The following PAK1 variants were observed in gnomAD, a reference collection of about 807,000 sequenced individuals.
The protein encoded by PAK1 is p21 (RAC1) activated kinase 1.
A neutral mutation model predicts 67.4 loss-of-function variants in PAK1; 29 were observed. The observed-to-expected ratio is 0.43, with a 90% CI of 0.32 to 0.59. PAK1 has a LOEUF of 0.59. Ranked by LOEUF, PAK1 falls within the 20% of genes least tolerant of loss-of-function variation. The pLI is 0.07. For synonymous variants in PAK1, 223 were observed against 237.4 expected (o/e 0.94, Z 0.56); for missense variants, 337 against 670.7 (o/e 0.50, Z 5.50).
chr11:77,367,721 G>A (rs1408215793), intron 5 of PAK1, among the ~76,000 whole-genome samples: 1 of 152,216 alleles, frequency 6.6e-6, no homozygotes, highest in Non-Finnish European at 1.5e-5. Flanking sequence ...GCTCACGCCT[G>A]TAATCCCAGC....
intron 4 of PAK1, among the ~76,000 whole-genome samples, chr11:77,376,053 T>C (rs1949040194): frequency 6.6e-6 from 1 of 152,180 alleles, no homozygotes; most frequent in South Asian, 2.1e-4. Flanking sequence ...AATTCGTTTG[T>C]TTTTTCTTGT....
At chr11:77,359,380 G>T (rs1052663121) in intron 5 of PAK1, among the ~76,000 whole-genome samples, 1 of 152,142 alleles carries the variant, frequency 6.6e-6, no homozygotes, top group African/African-American at 2.4e-5. Flanking sequence ...AGGAAATAAA[G>T]TATGAAATGT....
At chr11:77,489,594 G>A in the PAK1 span, among the ~76,000 whole-genome samples, 2,634 of 152,244 alleles carry the variant, frequency 0.017, 70 homozygotes, top group African/African-American at 0.06. Context: ...GATTGCAGGC[G>A]CGCGCCGCCA....
At chr11:77,364,467 AC>A (rs1049607819) in intron 5 of PAK1, among the ~76,000 whole-genome samples, 9 of 152,212 alleles carry the variant, frequency 5.9e-5, no homozygotes, top group Non-Finnish European at 1.2e-4. Flanking sequence ...AAACAAAAAA[AC>A]AACAAACACT....
chr11:77,481,405 G>A, the PAK1 span, among the ~76,000 whole-genome samples: 3 of 152,016 alleles, frequency 2.0e-5, no homozygotes, highest in Non-Finnish European at 2.9e-5. Flanking sequence ...GGCCAGGCAC[G>A]GTGGCTCATG....
In PAK1 at chr11:77,332,783, G is replaced by C. The variant is rs115181854; in HGVS notation, c.1498C>G (p.Arg500Gly). The C allele has an allele frequency of 6.2e-7, 1 of 1,613,440 alleles. No homozygotes were observed. Among genetic ancestry groups the C allele is most frequent in the African/African-American group, 1.3e-5 (1 of 74,892 alleles). ...LSAIFRDFLNRCLEMDVEKRG... is the reference protein window; with the variant it reads ...LSAIFRDFLNGCLEMDVEKRG... Reference sequence around the variant, plus strand: ...TTCTCCACATCCATCTCGAGACAGCGGTTCAGAAAGTCCCGGAAGATAGCT... The same window carrying C: ...TTCTCCACATCCATCTCGAGACAGCCGTTCAGAAAGTCCCGGAAGATAGCT... Residue 500 changes from arginine (R) to glycine (G), a missense_variant, in exon 14 of 15, where the codon CGC becomes GGC. By Grantham distance (125) the Arg-to-Gly change is moderately radical (BLOSUM62 -2). Around this residue, in one of 8 missense-constraint regions of PAK1, gnomAD observed 71 missense variants for 160.5 expected, o/e 0.44. Coordinates refer to ENST00000356341, the MANE Select transcript of PAK1 (RefSeq NM_002576.5).
chr11:77,500,197 G>A, the PAK1 span, among the ~76,000 whole-genome samples: 3 of 152,214 alleles, frequency 2.0e-5, no homozygotes, highest in African/African-American at 7.2e-5. Flanking sequence ...AACCGGGTGC[G>A]GTGGCTCACG....
At chr11:77,496,313 G>A in the PAK1 span, among the ~76,000 whole-genome samples, 1 of 152,226 alleles carries the variant, frequency 6.6e-6, no homozygotes, top group Admixed American at 6.5e-5. Context: ...ACCACACCTG[G>A]CCTGTATTTT....
intron 1 of PAK1, among the ~76,000 whole-genome samples, chr11:77,414,354 C>T (rs1329354503): frequency 6.6e-6 from 1 of 152,198 alleles, no homozygotes; most frequent in Non-Finnish European, 1.5e-5. Context: ...TTTAATTCTC[C>T]CTGTCCACCA....
chr11:77,461,418 T>C (rs370164546), intron 1 of PAK1, among the ~76,000 whole-genome samples: 2 of 152,230 alleles, frequency 1.3e-5, no homozygotes, highest in African/African-American at 4.8e-5. Flanking sequence ...GGACTTCATC[T>C]AATCAGTTGA....
chr11:77,346,942 C>A, intron 9 of PAK1: 1 of 443,018 alleles, frequency 2.3e-6, no homozygotes, highest in Non-Finnish European at 4.5e-6. Flanking sequence ...GATATGTTAA[C>A]TGGAAGACTT....
At chr11:77,365,856 AAAAT>A (rs1187026778) in intron 5 of PAK1, among the ~76,000 whole-genome samples, 3 of 152,114 alleles carry the variant, frequency 2.0e-5, no homozygotes, top group Non-Finnish European at 4.4e-5. Context: ...GAAAAAAAAA[AAAAT>A]AACACCTAAA....
intron 1 of PAK1, among the ~76,000 whole-genome samples, chr11:77,410,526 CTAA>C (rs901081941): frequency 2.6e-5 from 4 of 151,854 alleles, no homozygotes; most frequent in African/African-American, 9.7e-5. Context: ...CAGTAACCTA[CTAA>C]TAATAAGAAA....
intron 1 of PAK1, chr11:77,456,041 A>G (rs1019356025): frequency 6.6e-6 from 1 of 152,234 alleles, no homozygotes; most frequent in Non-Finnish European, 1.5e-5. Context: ...CTGCACCTGC[A>G]CCTACAAATT....
chr11:77,507,129 G>A, the PAK1 span, among the ~76,000 whole-genome samples: 124 of 152,342 alleles, frequency 8.1e-4, 1 homozygote, highest in Non-Finnish European at 1.4e-3. Flanking sequence ...GAGCTACACA[G>A]CTGGTCAGCA....
chr11:77,364,362 T>C (rs1387024553), intron 5 of PAK1, among the ~76,000 whole-genome samples: 1 of 152,206 alleles, frequency 6.6e-6, no homozygotes, highest in Non-Finnish European at 1.5e-5. Context: ...TGTCAAATCA[T>C]TGGCTAAAGA....
intron 1 of PAK1, among the ~76,000 whole-genome samples, chr11:77,439,455 C>G (rs1330487484): frequency 2.0e-5 from 3 of 152,162 alleles, no homozygotes; most frequent in African/African-American, 7.2e-5. Context: ...TACACAGATA[C>G]TGGAAAACTA....
rs117999696 is a variant in PAK1, at chr11:77,350,405, G to T, written c.837-1118C>A. Reference sequence around the variant, plus strand: ...ACATTCATATATACAGACAGAGAAGGGGGGAAGAAATGCAGAAATAATGCT... The same window carrying T: ...ACATTCATATATACAGACAGAGAAGTGGGGAAGAAATGCAGAAATAATGCT... On this transcript the variant is annotated intron_variant, in intron 8 of 14. Coordinates refer to ENST00000356341, the MANE Select transcript of PAK1 (RefSeq NM_002576.5). Among the ~76,000 whole-genome samples, 133 of 152,192 alleles carry T rather than the reference G, an allele frequency of 8.7e-4. 2 individuals carry two copies. The highest frequency in any genetic ancestry group is 2.1e-3 in the South Asian group (10 of 4,808).
At chr11:77,418,173 A>G (rs1354790994) in intron 1 of PAK1, among the ~76,000 whole-genome samples, 1 of 152,252 alleles carries the variant, frequency 6.6e-6, no homozygotes, top group Non-Finnish European at 1.5e-5. Flanking sequence ...CTTCCTTTTT[A>G]TTAGATTCAT....
Sources: allele counts gnomAD v4.1 joint callset (sites outside exome capture counted in the v4.1 genomes callset), GRCh38; gene constraint gnomAD v4.1.1; regional missense constraint gnomAD v4.1.1; transcripts MANE v1.5; gene names NCBI Gene and HGNC (gene_info 2026-07-23, HGNC 2026-07-21).